Variants in NCKAP1 observed in about 807,000 individuals in gnomAD.
The protein encoded by NCKAP1 is nck-associated protein 1.
Under a neutral mutation model 151.2 loss-of-function variants are expected in NCKAP1, and 21 were observed. The observed-to-expected ratio is 0.14, with a 90% CI of 0.10 to 0.20. The LOEUF is 0.20. Ranked by LOEUF, NCKAP1 falls within the 10% of genes least tolerant of loss-of-function variation. The pLI is 1.00. For missense variants in NCKAP1, 933 were observed against 1,352.1 expected (o/e 0.69, Z 4.86); for synonymous variants, 484 against 451.8 (o/e 1.07, Z -0.90).
intron 23 of NCKAP1, among the ~76,000 whole-genome samples, chr2:182,951,450 C>CT (rs1410159087): frequency 6.6e-6 from 1 of 151,426 alleles, no homozygotes; most frequent in Non-Finnish European, 1.5e-5. Context: ...GGGTGGATCT[C>CT]TTGAGGTCAG....
intron 8 of NCKAP1, among the ~76,000 whole-genome samples, chr2:182,992,206 C>T (rs1009905146): frequency 1.3e-5 from 2 of 152,176 alleles, no homozygotes; most frequent in African/African-American, 4.8e-5. Context: ...GAAGAAAAAT[C>T]CTAGTCTGGG....
chr2:182,992,024 C>T (rs1698180238), intron 8 of NCKAP1, among the ~76,000 whole-genome samples: 1 of 152,174 alleles, frequency 6.6e-6, no homozygotes, highest in African/African-American at 2.4e-5. Flanking sequence ...TGAGAAAGTA[C>T]ATTAAACAGA....
At chr2:182,971,201 C>T (rs1016161114) in intron 15 of NCKAP1, among the ~76,000 whole-genome samples, 3 of 150,870 alleles carry the variant, frequency 2.0e-5, no homozygotes, top group African/African-American at 4.9e-5. Context: ...GAGACCATCC[C>T]GGCTAAAACG....
intron 2 of NCKAP1, among the ~76,000 whole-genome samples, chr2:183,008,249 C>T (rs1375700582): frequency 6.6e-6 from 1 of 152,144 alleles, no homozygotes; most frequent in Non-Finnish European, 1.5e-5. Flanking sequence ...TTTAAAGCAA[C>T]ACACTACCCT....
chr2:182,994,226 A>C (rs1698222502), intron 8 of NCKAP1, among the ~76,000 whole-genome samples: 1 of 152,212 alleles, frequency 6.6e-6, no homozygotes. Flanking sequence ...TTAGTTTTGA[A>C]GGTTATGTTG....
intron 2 of NCKAP1, among the ~76,000 whole-genome samples, chr2:183,017,738 C>T (rs1189801134): frequency 1.3e-5 from 2 of 152,114 alleles, no homozygotes; most frequent in Non-Finnish European, 2.9e-5. Flanking sequence ...AGTGTTTTCA[C>T]ACATATACAC....
At chr2:182,989,322 A>G (rs887578122) in intron 8 of NCKAP1, 136 bp from the exon 9 acceptor site, 6 of 615,884 alleles carry the variant, frequency 9.7e-6, no homozygotes, top group African/African-American at 7.4e-5. Flanking sequence ...GTAACAATAC[A>G]TATGTATAAA....
rs1696499516 is a variant in NCKAP1 at position 182,918,491 on chromosome 2, A to G, written c.*7211T>C. 1 of 152,236 alleles carries G rather than the reference A, an allele frequency of 6.6e-6. No individual in the cohort carries two copies. The highest frequency in any genetic ancestry group is 2.4e-5 in the African/African-American group (1 of 41,466). 9.4% of individuals were successfully genotyped at this position (152,236 alleles called of 1,614,324 possible). On this transcript the variant is annotated 3_prime_UTR_variant, in exon 31 of 31. Transcript: ENST00000361354. Reference sequence around the variant, plus strand: ...AGTGTGGTATATATACACACCACGGAATACTGTTCAGCCATAAAAAAAGAA... The same window carrying G: ...AGTGTGGTATATATACACACCACGGGATACTGTTCAGCCATAAAAAAAGAA...
rs1053318568 is a variant in NCKAP1 at position 182,912,840 on chromosome 2, T to C, written c.*12862A>G. 2 of 34,840 alleles carry C rather than the reference T, an allele frequency of 5.7e-5. No homozygotes were observed. 2.2% of individuals were successfully genotyped at this position (34,840 alleles called of 1,614,324 possible). On this transcript the variant is annotated 3_prime_UTR_variant, in exon 31 of 31. Coordinates refer to ENST00000361354, the MANE Select transcript of NCKAP1 (RefSeq NM_013436.5). ...GACAGATCTCAAAACCAAAGAAAGA[T>C]AGAGGAAGAAAGGAAGGAAGGAAGG...
intron 1 of NCKAP1, among the ~76,000 whole-genome samples, chr2:183,027,535 G>A (rs1211267486): frequency 2.0e-5 from 3 of 152,068 alleles, no homozygotes; most frequent in Non-Finnish European, 4.4e-5. Context: ...AATATATCCT[G>A]GCAAAGAACC....
In NCKAP1 at chr2:182,953,295, T is replaced by C. The variant is rs777601296; in HGVS notation, c.2190A>G (p.Thr730=). ...GTTCTGAAGGTTTTGCAATTTCCTG[T>C]GTGGCTTGATTATACATAGTCATCC... is the stretch of plus-strand genomic sequence containing the variant. ...IVGMTMYNQA[T]QEIAKPSELL... The change falls in exon 21 of 31, where the codon ACA becomes ACG. Residue 730 remains threonine (T), a synonymous_variant. Coordinates refer to ENST00000361354, the MANE Select transcript of NCKAP1 (RefSeq NM_013436.5). The C allele has an allele frequency of 6.2e-6, 10 of 1,613,540 alleles. No individual in the cohort carries two copies. The East Asian group carries it at 2.2e-4, about 36-fold the overall frequency.
At chr2:183,035,572 G>A (rs1378546354) in intron 1 of NCKAP1, among the ~76,000 whole-genome samples, 1 of 152,020 alleles carries the variant, frequency 6.6e-6, no homozygotes, top group Non-Finnish European at 1.5e-5. Context: ...AGAGTATGTG[G>A]TTTATAATGC....
chr2:183,023,991 G>T, intron 1 of NCKAP1, 75 bp from the exon 2 acceptor site: 1 of 1,080,236 alleles, frequency 9.3e-7, no homozygotes, highest in Non-Finnish European at 1.4e-6. Flanking sequence ...TCTGCAATTA[G>T]AAATTAAAGA....
chr2:182,970,668 T>C (rs992863881), intron 15 of NCKAP1, among the ~76,000 whole-genome samples: 6 of 152,060 alleles, frequency 3.9e-5, no homozygotes, highest in South Asian at 2.1e-4. Context: ...ATACACTGAA[T>C]TGGGGAAAAC....
At chr2:183,027,674 G>A (rs1482638176) in intron 1 of NCKAP1, among the ~76,000 whole-genome samples, 1 of 151,938 alleles carries the variant, frequency 6.6e-6, no homozygotes, top group Admixed American at 6.6e-5. Flanking sequence ...GGGCAACATA[G>A]CAAGATCCTA....
At chr2:183,025,786 T>C (rs1363809246) in intron 1 of NCKAP1, among the ~76,000 whole-genome samples, 1 of 152,182 alleles carries the variant, frequency 6.6e-6, no homozygotes, top group Non-Finnish European at 1.5e-5. Context: ...AGCTATAGAT[T>C]AGCATTGCCT....
chr2:183,032,574 TA>T (rs202148682), intron 1 of NCKAP1, among the ~76,000 whole-genome samples: 5 of 151,028 alleles, frequency 3.3e-5, no homozygotes, highest in Middle Eastern at 3.4e-3. Context: ...TATCTAAACA[TA>T]AAAAAAAACA....
chr2:182,980,740 A>G (rs1487815005), intron 13 of NCKAP1, among the ~76,000 whole-genome samples: 1 of 152,218 alleles, frequency 6.6e-6, no homozygotes, highest in East Asian at 1.9e-4. Context: ...TTTCCCTCTA[A>G]TACTTAATTA....
intron 2 of NCKAP1, among the ~76,000 whole-genome samples, chr2:183,017,607 G>A (rs566632159): frequency 6.0e-4 from 92 of 152,134 alleles, no homozygotes; most frequent in Non-Finnish European, 1.1e-3. Flanking sequence ...CTCCTGCTGG[G>A]CAGCCGGGTT....
Sources: allele counts gnomAD v4.1 joint callset (sites outside exome capture counted in the v4.1 genomes callset), GRCh38; gene constraint gnomAD v4.1.1; transcripts MANE v1.5; gene names NCBI Gene and HGNC (gene_info 2026-07-23, HGNC 2026-07-21).